Variants in TRPS1 observed in about 807,000 individuals in gnomAD.
TRPS1 encodes the protein zinc finger transcription factor Trps1.
Under a neutral mutation model 101.2 loss-of-function variants are expected in TRPS1, and 6 were observed. That is an observed-to-expected ratio of 0.06 (90% confidence interval 0.03 to 0.12). The LOEUF (loss-of-function observed/expected upper bound fraction) is 0.12. Ranked by LOEUF, TRPS1 falls within the 10% of genes least tolerant of loss-of-function variation. The pLI is 1.00. For missense variants in TRPS1, 1,363 were observed against 1,567.0 expected, an observed-to-expected ratio of 0.87 and a Z score of 2.20; for synonymous variants, 578 against 589.8, an observed-to-expected ratio of 0.98 and a Z score of 0.29.
intron 5 of TRPS1, among the ~76,000 whole-genome samples, chr8:115,577,097 T>C (rs910367244): frequency 1.3e-5 from 2 of 152,198 alleles, no homozygotes; most frequent in Non-Finnish European, 2.9e-5. Flanking sequence ...AATTATACCA[T>C]GATTTTGCAA....
Position 115,412,162 on chromosome 8 carries a change from G to A in TRPS1, c.*1861C>T, listed in dbSNP as rs1260500542. On this transcript the variant is annotated 3_prime_UTR_variant, in exon 7 of 7. Transcript: ENST00000395715. ...TATCATCTTAAGCATAACAATGTGAGTTAAGAGCTTAAAAATTAAAAAAAA... is the reference window on the plus strand; with the variant it reads ...TATCATCTTAAGCATAACAATGTGAATTAAGAGCTTAAAAATTAAAAAAAA... 6.6e-6 allele frequency: 1 copy of A among 151,420 alleles called. No homozygotes were observed. The highest frequency in any genetic ancestry group is 1.5e-5 in the Non-Finnish European group (1 of 67,840). The allele number at this position is 151,420 out of a possible 1,614,324, so 9.4% of individuals were successfully genotyped here. A position where few individuals can be genotyped will look rare whatever the true frequency, so the allele number is the denominator to read the frequency against.
intron 5 of TRPS1, among the ~76,000 whole-genome samples, chr8:115,482,980 A>G (rs1814791797): frequency 6.6e-6 from 1 of 152,202 alleles, no homozygotes; most frequent in African/African-American, 2.4e-5. Flanking sequence ...TTTACATATG[A>G]GTTTTATTTA....
At chr8:115,464,397 A>G (rs2129987309) in intron 5 of TRPS1, among the ~76,000 whole-genome samples, 1 of 152,262 alleles carries the variant, frequency 6.6e-6, no homozygotes, top group Non-Finnish European at 1.5e-5. Context: ...GAAAATTCAG[A>G]AACTATAATG....
chr8:115,443,572 C>A (rs1813660817), intron 5 of TRPS1, among the ~76,000 whole-genome samples: 1 of 152,136 alleles, frequency 6.6e-6, no homozygotes, highest in Non-Finnish European at 1.5e-5. Flanking sequence ...GGTAGTGGAG[C>A]CTGCTGGTCT....
rs189549760 is a variant in TRPS1, at chr8:115,432,033, G to T, written c.2701-13581C>A. On this transcript the variant is annotated intron_variant, in intron 5 of 6. Transcript: ENST00000395715. The stretch of plus-strand genomic sequence containing the variant: ...GCTTTTCAAAAAAAGTAGCTTCAAG[G>T]TCCTCTAGTTTAATATATTTAAAAA... Among the ~76,000 whole-genome samples the T allele has an allele frequency of 3.8e-4, 58 of 151,470 alleles. 1 individual carries two copies. Among genetic ancestry groups the T allele is most frequent in the Admixed American group, 3.1e-3 (47 of 15,208 alleles).
chr8:115,548,533 C>T (rs1816631993), intron 5 of TRPS1, among the ~76,000 whole-genome samples: 1 of 152,032 alleles, frequency 6.6e-6, no homozygotes, highest in South Asian at 2.1e-4. Context: ...ATTCTGCCCA[C>T]CTCAGCCTCC....
intron 5 of TRPS1, among the ~76,000 whole-genome samples, chr8:115,551,133 T>C (rs950158588): frequency 1.3e-5 from 2 of 152,164 alleles, no homozygotes; most frequent in African/African-American, 4.8e-5. Flanking sequence ...TTCACCACTA[T>C]AAAGCACTTT....
chr8:115,446,423 C>T (rs2129907002), intron 5 of TRPS1, among the ~76,000 whole-genome samples: 1 of 151,892 alleles, frequency 6.6e-6, no homozygotes, highest in East Asian at 1.9e-4. Context: ...CTGCTTCCAC[C>T]TGCAGGACCT....
intron 1 of TRPS1, among the ~76,000 whole-genome samples, chr8:115,666,985 C>G (rs1811936713): frequency 6.6e-6 from 1 of 152,166 alleles, no homozygotes; most frequent in Admixed American, 6.5e-5. Context: ...CTTCACTTAC[C>G]TCGCTTAAAC....
intron 5 of TRPS1, among the ~76,000 whole-genome samples, chr8:115,495,680 T>C (rs939275815): frequency 1.1e-4 from 14 of 130,830 alleles, no homozygotes; most frequent in African/African-American, 3.9e-4. Context: ...TCTTTTGCTA[T>C]CATCTGTTAA....
At chr8:115,507,834 C>G (rs574305260) in intron 5 of TRPS1, among the ~76,000 whole-genome samples, 1 of 151,812 alleles carries the variant, frequency 6.6e-6, no homozygotes, top group Non-Finnish European at 1.5e-5. Context: ...AGGTCTGGCC[C>G]GAGGGTGAAG....
chr8:115,529,930 A>C (rs951730195), intron 5 of TRPS1, among the ~76,000 whole-genome samples: 9 of 152,156 alleles, frequency 5.9e-5, no homozygotes, highest in Admixed American at 2.6e-4. Context: ...TGTGTATAGG[A>C]GATCTTTACA....
At chr8:115,589,950 C>G (rs939423992) in intron 4 of TRPS1, among the ~76,000 whole-genome samples, 2 of 152,068 alleles carry the variant, frequency 1.3e-5, no homozygotes, top group African/African-American at 4.8e-5. Flanking sequence ...AACCCCATCT[C>G]TAATAAAAAT....
intron 1 of TRPS1, among the ~76,000 whole-genome samples, chr8:115,643,963 G>A (rs1164607339): frequency 3.3e-5 from 5 of 152,186 alleles, no homozygotes; most frequent in African/African-American, 1.2e-4. Context: ...GTGACTGCGT[G>A]CATTGTCAGT....
intron 5 of TRPS1, among the ~76,000 whole-genome samples, chr8:115,538,614 C>A (rs1816379223): frequency 6.6e-6 from 1 of 151,126 alleles, no homozygotes; most frequent in South Asian, 2.1e-4. Flanking sequence ...AAATGAGCTT[C>A]CAAATGTATC....
At chr8:115,486,352 C>T (rs1027008136) in intron 5 of TRPS1, among the ~76,000 whole-genome samples, 1 of 152,314 alleles carries the variant, frequency 6.6e-6, no homozygotes, top group Non-Finnish European at 1.5e-5. Flanking sequence ...CTCCAAGGGT[C>T]TCCCTAATCC....
intron 5 of TRPS1, among the ~76,000 whole-genome samples, chr8:115,576,871 G>A (rs1817330917): frequency 6.6e-6 from 1 of 152,158 alleles, no homozygotes; most frequent in African/African-American, 2.4e-5. Flanking sequence ...AGTTATGACA[G>A]TATTAGCTGG....
At chr8:115,628,774 G>A (rs1194067617) in intron 1 of TRPS1, among the ~76,000 whole-genome samples, 1 of 151,764 alleles carries the variant, frequency 6.6e-6, no homozygotes, top group African/African-American at 2.4e-5. Flanking sequence ...TACGGTAACT[G>A]TTTAAGCATA....
intron 5 of TRPS1, among the ~76,000 whole-genome samples, chr8:115,503,015 G>A (rs800913): frequency 1.3e-5 from 2 of 152,088 alleles, no homozygotes; most frequent in East Asian, 1.9e-4. Flanking sequence ...TGTAATCCCA[G>A]CACTTTGGGA....
Sources: allele counts gnomAD v4.1 joint callset (sites outside exome capture counted in the v4.1 genomes callset), GRCh38; gene constraint gnomAD v4.1.1; transcripts MANE v1.5; gene names NCBI Gene and HGNC (gene_info 2026-07-23, HGNC 2026-07-21).